ZNF263: variants seen among roughly 807,000 people sequenced by gnomAD.
The protein encoded by ZNF263 is zinc finger protein 263.
In ZNF263, 49 loss-of-function variants were observed where a neutral mutation model predicts 63.1. The observed-to-expected ratio is 0.78, with a 90% CI of 0.62 to 0.99. The LOEUF (loss-of-function observed/expected upper bound fraction) is 0.99, where lower values mean the gene tolerates loss of function less well. ZNF263 is among the 50% of genes least tolerant of loss of function. The pLI is 0.00. For synonymous variants in ZNF263, 352 were observed against 324.2 expected (o/e 1.09, Z -0.92); for missense variants, 872 against 854.8 (o/e 1.02, Z -0.25).
chr16:3,285,960 C>T, intron 3 of ZNF263, 63 bp from the exon 4 acceptor site: 1 of 1,613,106 alleles, frequency 6.2e-7, no homozygotes, highest in Non-Finnish European at 8.5e-7. Context: ...CCCTTTAACC[C>T]ATGACTCTGC....
At chr16:3,298,030 T>G (rs1959810545) in intron 1 of ZNF263, among the ~76,000 whole-genome samples, 1 of 152,236 alleles carries the variant, frequency 6.6e-6, no homozygotes, top group Non-Finnish European at 1.5e-5. Context: ...ACAGCGTGTA[T>G]CGCAGCTTTT....
At chr16:3,298,692 T>C in intron 1 of ZNF263, 1 of 239,526 alleles carries the variant, frequency 4.2e-6, no homozygotes, top group East Asian at 7.8e-5. Context: ...ACGATATGAT[T>C]ACAAACTAAT....
In ZNF263 at chr16:3,289,910, A is replaced by C; in HGVS notation, c.1404A>C (p.Gly468=). Residue 468 remains glycine (G), a synonymous_variant, in exon 6 of 6, where the codon GGA becomes GGC. Transcript: ENST00000219069. The part of the protein sequence containing the change: ...GEKPYQCNIC[G]KCFSCNSNLH... ...AGCCCTATCAGTGCAACATTTGCGG[A>C]AAATGTTTCTCCTGCAACTCCAACC... is the stretch of plus-strand genomic sequence containing the variant. 1 of 1,614,148 alleles carries C rather than the reference A, an allele frequency of 6.2e-7. No homozygotes were observed. Among genetic ancestry groups the C allele is most frequent in the Non-Finnish European group, 8.5e-7 (1 of 1,180,028 alleles).
Position 3,300,161 on chromosome 16 carries a change from T to A in ZNF263, c.*47-752T>A, listed in dbSNP as rs756594290. 163 of 1,614,112 alleles carry A rather than the reference T, an allele frequency of 1.0e-4. No individual in the cohort carries two copies. The highest frequency in any genetic ancestry group is 1.4e-4 in the Non-Finnish European group (161 of 1,180,058). On this transcript the variant is annotated intron_variant, in intron 2 of 2. Coordinates refer to the ZNF263 transcript ENST00000574674. ...AGTTTTTGTCGAAATGGCTCAACAT[T>A]TTCAGAAACTGAACTTAGGACTTGT...
Position 3,288,482 on chromosome 16 carries a change from A to T in ZNF263, c.798A>T (p.Pro266=), listed in dbSNP as rs748521836. The T allele has an allele frequency of 6.2e-7, 1 of 1,612,264 alleles. No individual in the cohort carries two copies. The highest frequency in any genetic ancestry group is 1.3e-5 in the African/African-American group (1 of 74,868). Residue 266 remains proline, a synonymous_variant, in exon 5 of 6, where the codon CCA becomes CCT. Transcript: ENST00000219069. ...LESHIPSQEV[P]GTQVGQGGKL... ...CTCACATTCCCAGTCAGGAGGTCCC[A>T]GGCACCCAGGTGGGACAAGGAGGAA...
At chr16:3,298,979 C>A in intron 1 of ZNF263, 1 of 1,265,934 alleles carries the variant, frequency 7.9e-7, no homozygotes, top group Admixed American at 3.0e-5. Context: ...TGATTAGAAC[C>A]AGAAGTTGAA....
At chr16:3,299,692 G>GT (rs1959876602) in intron 2 of ZNF263, 2 of 1,540,334 alleles carry the variant, frequency 1.3e-6, no homozygotes, top group African/African-American at 2.8e-5. Context: ...ATCCTCACTG[G>GT]TTAGGGATTC....
In ZNF263 at chr16:3,291,059, C is replaced by T; in HGVS notation, c.*501C>T. 1 of 993,918 alleles carries T rather than the reference C, an allele frequency of 1.0e-6. No individual in the cohort carries two copies. The highest frequency in any genetic ancestry group is 1.2e-6 in the Non-Finnish European group (1 of 834,032). 61.6% of individuals were successfully genotyped at this position (993,918 alleles called of 1,614,324 possible). On this transcript the variant is annotated 3_prime_UTR_variant, in exon 6 of 6. Transcript: ENST00000219069. ...TGTGAGTTGCAGCTGTCCCGAAGGC[C>T]CCAGTTGGGAAGCCATGGGCAGTCC...
chr16:3,291,532 C>T, downstream of ZNF263: 1 of 977,506 alleles, frequency 1.0e-6, no homozygotes, highest in Non-Finnish European at 1.2e-6. Context: ...CTGCCTTGGT[C>T]AGAGGCCCTG....
chr16:3,285,308 A>G lies in ZNF263; in HGVS notation c.568+69A>G. 4.1e-6 allele frequency: 6 copies of G among 1,475,784 alleles called. No homozygotes were observed. In the South Asian group the frequency reaches 7.4e-5, roughly 18 times the overall value. 91.4% of individuals were successfully genotyped at this position (1,475,784 alleles called of 1,614,324 possible). A position where few individuals can be genotyped will look rare whatever the true frequency, so the allele number is the denominator to read the frequency against. Reference sequence around the variant, plus strand: ...GGGGGTTGCCCCCGACACTAGCTGGATGTAGCAATGATGCGAAGGAGAAGG... The same window carrying G: ...GGGGGTTGCCCCCGACACTAGCTGGGTGTAGCAATGATGCGAAGGAGAAGG... On this transcript the variant is annotated intron_variant, in intron 2 of 5. Coordinates refer to ENST00000219069, the MANE Select transcript of ZNF263 (RefSeq NM_005741.5).
In ZNF263 at chr16:3,285,173, G is replaced by A; in HGVS notation, c.502G>A (p.Gly168Ser). ...GCCAATGGAGACTGAGCGAAGCCCT[G>A]GCCCCAGGCTGCAGGAGCTGCTAGG... The part of the protein sequence containing the change: ...LEPMETERSP[G>S]PRLQELLGPS... Residue 168 changes from glycine (G) to serine (S), a missense_variant, in exon 2 of 6, where the codon GGC becomes AGC. By Grantham distance (56) the Gly-to-Ser change is moderately conservative (BLOSUM62 0). Coordinates refer to ENST00000219069, the MANE Select transcript of ZNF263 (RefSeq NM_005741.5). 1 of 1,614,122 alleles carries A rather than the reference G, an allele frequency of 6.2e-7. No individual in the cohort carries two copies. Among genetic ancestry groups the A allele is most frequent in the Non-Finnish European group, 8.5e-7 (1 of 1,180,048 alleles).
intron 3 of ZNF263, 130 bp downstream of exon 3, chr16:3,285,884 C>T (rs1959333938): frequency 6.5e-6 from 10 of 1,537,314 alleles, no homozygotes; most frequent in Non-Finnish European, 9.0e-6. Flanking sequence ...GTCTATTTCA[C>T]ACCTCACTTG....
At chr16:3,284,947 C>T in intron 1 of ZNF263, 112 bp from the exon 2 acceptor site, 3 of 1,349,490 alleles carry the variant, frequency 2.2e-6, no homozygotes, top group South Asian at 2.7e-5. Flanking sequence ...TTACCTGGGC[C>T]CAAAGGGATC....
At position 3,284,112 on chromosome 16, in the gene ZNF263, G is replaced by C; in HGVS notation, c.294G>C (p.Gln98His). 6.2e-7 allele frequency: 1 copy of C among 1,612,912 alleles called. No homozygotes were observed. The highest frequency in any genetic ancestry group is 8.5e-7 in the Non-Finnish European group (1 of 1,179,226). The change falls in exon 1 of 6, where the codon CAG becomes CAC. Residue 98 changes from glutamine to histidine, a missense_variant. Coordinates refer to ENST00000219069, the MANE Select transcript of ZNF263 (RefSeq NM_005741.5). Reference sequence around the variant, plus strand: ...TGACCATCCTGCCCCAGGAGATCCAGAGCAGGGTGCAGGAGCTGCATCCGG... The same window carrying C: ...TGACCATCCTGCCCCAGGAGATCCACAGCAGGGTGCAGGAGCTGCATCCGG... ...QFLTILPQEI[Q>H]SRVQELHPES...
At chr16:3,288,330 G>T in intron 4 of ZNF263, 124 bp from the exon 5 acceptor site, 1 of 737,616 alleles carries the variant, frequency 1.4e-6, no homozygotes. Flanking sequence ...TATATTCCAA[G>T]TAACTGCTGT....
At chr16:3,299,935 A>G (rs1416092186) in intron 2 of ZNF263, 1 of 1,612,656 alleles carries the variant, frequency 6.2e-7, no homozygotes, top group Admixed American at 1.7e-5. Context: ...TCCAATAATG[A>G]TTGACTTTAA....
At position 3,285,187 on chromosome 16, in the gene ZNF263, G is replaced by A. The variant is rs760653664; in HGVS notation, c.516G>A (p.Gln172=). 4 of 1,613,858 alleles carry A rather than the reference G, an allele frequency of 2.5e-6. No homozygotes were observed. The Admixed American group carries it at 5.0e-5, about 20-fold the overall frequency. ...ETERSPGPRL[Q]ELLGPSPQRD... ...AGCGAAGCCCTGGCCCCAGGCTGCA[G>A]GAGCTGCTAGGCCCCAGCCCCCAAA... Residue 172 remains glutamine, a synonymous_variant, in exon 2 of 6, where the codon CAG becomes CAA. Coordinates refer to ENST00000219069, the MANE Select transcript of ZNF263 (RefSeq NM_005741.5).
Position 3,289,970 on chromosome 16 carries a change from G to A in ZNF263, c.1464G>A (p.Lys488=). The change falls in exon 6 of 6, where the codon AAG becomes AAA. Residue 488 remains lysine (K), a synonymous_variant. Transcript: ENST00000219069. ...ACCAGAGAACGCACACTGGGGAGAAGCCCTACAAGTGCCCTGAGTGTGGGG... is the reference window on the plus strand; with the variant it reads ...ACCAGAGAACGCACACTGGGGAGAAACCCTACAAGTGCCCTGAGTGTGGGG... ...HRHQRTHTGE[K]PYKCPECGEI... is the part of the protein sequence containing the mutation. 6.2e-7 allele frequency: 1 copy of A among 1,613,796 alleles called. No individual in the cohort carries two copies. The highest frequency in any genetic ancestry group is 8.5e-7 in the Non-Finnish European group (1 of 1,179,960).
At position 3,290,953 on chromosome 16, in the gene ZNF263, T is replaced by A; in HGVS notation, c.*395T>A. 1 of 1,001,916 alleles carries A rather than the reference T, an allele frequency of 1.0e-6. No individual in the cohort carries two copies. The highest frequency in any genetic ancestry group is 1.2e-6 in the Non-Finnish European group (1 of 838,400). 62.1% of individuals were successfully genotyped at this position (1,001,916 alleles called of 1,614,324 possible). A position where few individuals can be genotyped will look rare whatever the true frequency, so the allele number is the denominator to read the frequency against. On this transcript the variant is annotated 3_prime_UTR_variant, in exon 6 of 6. Coordinates refer to ENST00000219069, the MANE Select transcript of ZNF263 (RefSeq NM_005741.5). ...CATTTGGGACATTCAGTAGGAGCAT[T>A]TGGGCTTCCGGGGCCCCTGAGACCA...
Sources: allele counts gnomAD v4.1 joint callset (sites outside exome capture counted in the v4.1 genomes callset), GRCh38; gene constraint gnomAD v4.1.1; transcripts MANE v1.5; gene names NCBI Gene and HGNC (gene_info 2026-07-23, HGNC 2026-07-21).